ARL10: variants seen among roughly 807,000 people sequenced by gnomAD.
ARL10 encodes ARF like GTPase 10.
In ARL10, 23 loss-of-function variants were observed where a neutral mutation model predicts 26.1. The ratio of observed to expected loss-of-function variants is 0.88; its 90% CI spans 0.63 to 1.25. The LOEUF (loss-of-function observed/expected upper bound fraction) is 1.25, where lower values mean the gene tolerates loss of function less well. Ranked by LOEUF, ARL10 falls within the 50% of genes most tolerant of loss-of-function variation. ARL10 has a pLI of 0.00. For missense variants in ARL10, 300 were observed against 323.6 expected (o/e 0.93, Z 0.56); for synonymous variants, 138 against 149.1 (o/e 0.93, Z 0.54).
the ARL10 span, among the ~76,000 whole-genome samples, chr5:176,407,822 T>C: frequency 1.3e-5 from 2 of 152,184 alleles, no homozygotes; most frequent in African/African-American, 4.8e-5. Flanking sequence ...AGATGGACTT[T>C]TCCAGCTTGC....
exon 2 of ARL10, chr5:176,388,302 C>T (rs1756056336): frequency 1.2e-6 from 2 of 1,614,096 alleles, no homozygotes; most frequent in Non-Finnish European, 1.7e-6. Flanking sequence ...CAGGTTCTGC[C>T]GTACCGATTT....
rs1316357047 is a variant in ARL10 at position 176,371,886 on chromosome 5, C to T, written c.726C>T (p.Leu242=). Residue 242 remains leucine (L), a synonymous_variant, in exon 4 of 4, where the codon CTC becomes CTT. Transcript: ENST00000310389. ...TVHIWKLLLE[L]LS Reference sequence around the variant, plus strand: ...ACATCTGGAAACTGCTCTTGGAGCTCCTCTCCTAGGCTGGAGCTCTCCTGC... The same window carrying T: ...ACATCTGGAAACTGCTCTTGGAGCTTCTCTCCTAGGCTGGAGCTCTCCTGC... 6.2e-7 allele frequency: 1 copy of T among 1,613,882 alleles called. No individual in the cohort carries two copies. Among genetic ancestry groups the T allele is most frequent in the African/African-American group, 1.3e-5 (1 of 74,944 alleles).
intron 1 of ARL10, chr5:176,388,212 C>T (rs767669311): frequency 4.1e-5 from 63 of 1,545,734 alleles, no homozygotes; most frequent in Admixed American, 1.8e-4. Flanking sequence ...AAGACAAGGA[C>T]CGAGACCCTG....
At chr5:176,371,325 G>C (rs1342447029) in intron 3 of ARL10, among the ~76,000 whole-genome samples, 1 of 152,244 alleles carries the variant, frequency 6.6e-6, no homozygotes, top group African/African-American at 2.4e-5. Context: ...GGAGGTTGCA[G>C]TGAGCCAAGA....
At chr5:176,410,666 A>C in the ARL10 span, among the ~76,000 whole-genome samples, 742 of 151,874 alleles carry the variant, frequency 4.9e-3, 3 homozygotes, top group Non-Finnish European at 7.4e-3. Context: ...GGGAATGGCC[A>C]GATTACCTGT....
chr5:176,409,404 C>A, the ARL10 span, among the ~76,000 whole-genome samples: 1 of 136,240 alleles, frequency 7.3e-6, no homozygotes, highest in Non-Finnish European at 1.5e-5. Flanking sequence ...GATCTGATTG[C>A]CCTTTTTTTT....
At chr5:176,398,177 G>A (rs1756644431) in intron 1 of ARL10, 4 of 750,610 alleles carry the variant, frequency 5.3e-6, no homozygotes, top group Admixed American at 2.1e-5. Flanking sequence ...TGTCTCTGGT[G>A]ACTACACCTA....
chr5:176,411,426 C>T, the ARL10 span, among the ~76,000 whole-genome samples: 1 of 152,292 alleles, frequency 6.6e-6, no homozygotes, highest in South Asian at 2.1e-4. Flanking sequence ...GGTGCTGTTC[C>T]CTCTGCCTGG....
At chr5:176,384,114 C>G (rs532178596), downstream of ARL10, 33 of 1,609,310 alleles carry the variant, frequency 2.1e-5, no homozygotes, top group African/African-American at 3.7e-4. Context: ...CCTTCTGATT[C>G]CATGGGACCT....
chr5:176,382,182 G>A (rs1443491671), downstream of ARL10, among the ~76,000 whole-genome samples: 3 of 152,188 alleles, frequency 2.0e-5, no homozygotes, highest in East Asian at 5.8e-4. Flanking sequence ...CACCTAACTG[G>A]CTCTGTGGTG....
chr5:176,412,087 A>C, the ARL10 span, among the ~76,000 whole-genome samples: 2 of 151,668 alleles, frequency 1.3e-5, no homozygotes, highest in Admixed American at 6.6e-5. Context: ...GAGGCAGGAG[A>C]ATGGTGTGAA....
rs1047395381 is a variant in ARL10, at chr5:176,381,258, T to A, written c.*9363T>A. On this transcript the variant is annotated 3_prime_UTR_variant, in exon 4 of 4. Transcript: ENST00000310389. ...ACTTGGAGAGCTCAAAACACAAATT[T>A]ATGGAGCTCAGAATCCTAGGAAGAA... The A allele has an allele frequency of 2.0e-5, 3 of 152,134 alleles. No homozygotes were observed. The highest frequency in any genetic ancestry group is 4.4e-5 in the Non-Finnish European group (3 of 68,022). 9.4% of individuals were successfully genotyped at this position (152,134 alleles called of 1,614,324 possible). A position where few individuals can be genotyped will look rare whatever the true frequency, so the allele number is the denominator to read the frequency against.
downstream of ARL10, among the ~76,000 whole-genome samples, chr5:176,403,539 C>T (rs1395346466): frequency 6.6e-6 from 1 of 151,654 alleles, no homozygotes; most frequent in African/African-American, 2.4e-5. Flanking sequence ...ACTGCAACCT[C>T]CGCCTCCCGG....
At chr5:176,409,641 T>C in the ARL10 span, among the ~76,000 whole-genome samples, 1 of 152,082 alleles carries the variant, frequency 6.6e-6, no homozygotes, top group South Asian at 2.1e-4. Context: ...TCTTGAACTC[T>C]GACCTCACGT....
intron 1 of ARL10, chr5:176,397,792 C>T (rs1581427197): frequency 2.0e-6 from 3 of 1,533,848 alleles, no homozygotes; most frequent in Non-Finnish European, 2.7e-6. Context: ...CCTCCCCTGG[C>T]CCCTGCCAGG....
intron 3 of ARL10, among the ~76,000 whole-genome samples, chr5:176,370,901 A>G (rs1768508467): frequency 3.3e-5 from 5 of 152,176 alleles, no homozygotes; most frequent in Admixed American, 3.3e-4. Flanking sequence ...GACTGAGTTT[A>G]GGAAACTTGG....
downstream of ARL10, among the ~76,000 whole-genome samples, chr5:176,402,457 C>T (rs1450925106): frequency 9.2e-5 from 14 of 152,206 alleles, no homozygotes; most frequent in Non-Finnish European, 4.4e-5. Flanking sequence ...TCTTGTATCC[C>T]CTCAGAGACT....
chr5:176,385,267 A>G (rs780563268), downstream of ARL10: 12 of 1,613,366 alleles, frequency 7.4e-6, no homozygotes, highest in Non-Finnish European at 8.5e-6. Context: ...TACATAGTCA[A>G]TGAGGTCCCG....
chr5:176,388,870 G>A, downstream of ARL10: 1 of 1,614,170 alleles, frequency 6.2e-7, no homozygotes, highest in African/African-American at 1.3e-5. Context: ...AACCATCGAA[G>A]CCTCCAGTCA....
Sources: allele counts gnomAD v4.1 joint callset (sites outside exome capture counted in the v4.1 genomes callset), GRCh38; gene constraint gnomAD v4.1.1; transcripts MANE v1.5; gene names NCBI Gene and HGNC (gene_info 2026-07-23, HGNC 2026-07-21).